The following STK32B variants were observed in gnomAD, a reference collection of about 807,000 sequenced individuals.
The protein encoded by STK32B is serine/threonine kinase 32B.
In STK32B, 43 loss-of-function variants were observed where a neutral mutation model predicts 52.6. The observed-to-expected ratio is 0.82, with a 90% confidence interval of 0.64 to 1.05. The LOEUF (loss-of-function observed/expected upper bound fraction) is 1.05, where lower values mean the gene tolerates loss of function less well. STK32B is among the 50% of genes least tolerant of loss of function. The pLI is 0.00. For synonymous variants in STK32B, 238 were observed against 204.3 expected (o/e 1.17, Z -1.41); for missense variants, 621 against 534.6 (o/e 1.16, Z -1.59).
chr4:5,443,067 C>G (rs1467837887), intron 6 of STK32B, among the ~76,000 whole-genome samples: 1 of 150,874 alleles, frequency 6.6e-6, no homozygotes, highest in East Asian at 2.0e-4. Context: ...TTTGGTGAAT[C>G]TGACAATTAT....
chr4:5,276,522 C>T (rs998815943), intron 3 of STK32B, among the ~76,000 whole-genome samples: 1 of 151,954 alleles, frequency 6.6e-6, no homozygotes, highest in Non-Finnish European at 1.5e-5. Context: ...CCTGAAGGAA[C>T]TCAAACAAAA....
intron 11 of STK32B, among the ~76,000 whole-genome samples, chr4:5,497,030 A>T (rs1560098404): frequency 6.6e-6 from 1 of 152,214 alleles, no homozygotes; most frequent in African/African-American, 2.4e-5. Flanking sequence ...TATTGTAGTG[A>T]GGCAGTCTTT....
chr4:5,331,063 T>A (rs1732209981), intron 3 of STK32B, among the ~76,000 whole-genome samples, 157 bp from the exon 4 acceptor site: 1 of 152,016 alleles, frequency 6.6e-6, no homozygotes, highest in Non-Finnish European at 1.5e-5. Flanking sequence ...ATTGAAAGCC[T>A]TTTCCCCTTC....
At chr4:5,057,714 G>A (rs1362924590) in intron 1 of STK32B, among the ~76,000 whole-genome samples, 2 of 152,148 alleles carry the variant, frequency 1.3e-5, no homozygotes. Context: ...GCATAATCTG[G>A]TGCTAAGCCT....
intron 3 of STK32B, among the ~76,000 whole-genome samples, chr4:5,253,393 T>C (rs1444741655): frequency 6.6e-6 from 1 of 152,020 alleles, no homozygotes; most frequent in East Asian, 1.9e-4. Flanking sequence ...TGTTGTTGTT[T>C]AGACAGGGTC....
chr4:5,217,885 C>G (rs1031481528), intron 3 of STK32B, among the ~76,000 whole-genome samples: 1 of 152,206 alleles, frequency 6.6e-6, no homozygotes, highest in Non-Finnish European at 1.5e-5. Flanking sequence ...TCTACCAGAA[C>G]TATAGTGTTC....
chr4:5,346,133 T>C (rs991679521), intron 4 of STK32B, among the ~76,000 whole-genome samples: 1 of 152,216 alleles, frequency 6.6e-6, no homozygotes, highest in Non-Finnish European at 1.5e-5. Flanking sequence ...TGTGTCTGTC[T>C]TAGAAAACTA....
In STK32B at chr4:5,460,351, G is replaced by A; in HGVS notation, c.909+123G>A. ...TGGCCACTTCCACCTGAGCACCAAG[G>A]GCTTATGTCTTGCTGGAATTCAGGG... On this transcript the variant is annotated intron_variant, in intron 9 of 11. Transcript: ENST00000282908. The surrounding 1 kb of genome is among the most constrained non-coding windows in gnomAD (Gnocchi z 4.8). 1 of 1,424,564 alleles carries A rather than the reference G, an allele frequency of 7.0e-7. No individual in the cohort carries two copies. Among genetic ancestry groups the A allele is most frequent in the South Asian group, 1.4e-5 (1 of 72,134 alleles). 88.2% of individuals were successfully genotyped at this position (1,424,564 alleles called of 1,614,324 possible). A position where few individuals can be genotyped will look rare whatever the true frequency, so the allele number is the denominator to read the frequency against.
chr4:5,206,286 C>T (rs1722573983), intron 3 of STK32B, among the ~76,000 whole-genome samples: 2 of 152,200 alleles, frequency 1.3e-5, no homozygotes, highest in Non-Finnish European at 2.9e-5. Context: ...TGATTCCCCT[C>T]CACAGTAGGA....
intron 11 of STK32B, among the ~76,000 whole-genome samples, chr4:5,472,826 T>G (rs1161047390): frequency 6.6e-6 from 1 of 152,194 alleles, no homozygotes; most frequent in Non-Finnish European, 1.5e-5. Context: ...CTTTATGGTT[T>G]TAGATCATGT....
In STK32B at chr4:5,295,186, T is replaced by C. The variant is rs781287181; in HGVS notation, c.261-36034T>C. Among the ~76,000 whole-genome samples the C allele has an allele frequency of 5.3e-5, 8 of 152,160 alleles. No individual in the cohort carries two copies. The South Asian group carries it at 1.2e-3, about 24-fold the overall frequency. On this transcript the variant is annotated intron_variant, in intron 3 of 11. Coordinates refer to ENST00000282908, the MANE Select transcript of STK32B (RefSeq NM_018401.3). ...CTGGATTCAGTTTGCCAGTATTTTATTGAGGATTTTTGCATCAATGTTCAT... is the reference window on the plus strand; with the variant it reads ...CTGGATTCAGTTTGCCAGTATTTTACTGAGGATTTTTGCATCAATGTTCAT...
intron 3 of STK32B, among the ~76,000 whole-genome samples, chr4:5,292,490 G>GT (rs1191633286): frequency 6.6e-6 from 1 of 151,332 alleles, no homozygotes; most frequent in Non-Finnish European, 1.5e-5. Flanking sequence ...TAATGGGGCT[G>GT]TTTTTTTTCT....
chr4:5,347,445 A>G (rs938392243), intron 4 of STK32B, among the ~76,000 whole-genome samples: 17 of 152,342 alleles, frequency 1.1e-4, no homozygotes, highest in Middle Eastern at 6.8e-3. Flanking sequence ...TGTGGTGCAG[A>G]TTGAATTAGG....
At chr4:5,191,522 G>A (rs908230823) in intron 3 of STK32B, among the ~76,000 whole-genome samples, 1 of 152,068 alleles carries the variant, frequency 6.6e-6, no homozygotes, top group African/African-American at 2.4e-5. Context: ...CCAAAGTGCT[G>A]GGATTACAGG....
At position 5,399,111 on chromosome 4, in the gene STK32B, T is replaced by G. The variant is rs12510033; in HGVS notation, c.472+867T>G. On this transcript the variant is annotated intron_variant, in intron 5 of 11. Coordinates refer to ENST00000282908, the MANE Select transcript of STK32B (RefSeq NM_018401.3). This position sits in a 1 kb window ranked among gnomAD's most constrained non-coding sequence, Gnocchi z 5.4. ...GCTCAGTGGACTTGACAATCAATTG[T>G]GGCTGATGCCAACAGGAGACTTACA... 1.0e-3 allele frequency among the ~76,000 whole-genome samples: 156 copies of G among 150,808 alleles called. No individual in the cohort carries two copies. Among genetic ancestry groups the G allele is most frequent in the African/African-American group, 3.4e-3 (139 of 41,484 alleles).
chr4:5,498,856 A>G lies in STK32B; in HGVS notation c.1107-89A>G, dbSNP rs543530667. The G allele has an allele frequency of 4.1e-6, 6 of 1,478,120 alleles. No individual in the cohort carries two copies. The East Asian group carries it at 1.5e-4, about 36-fold the overall frequency. 91.6% of individuals were successfully genotyped at this position (1,478,120 alleles called of 1,614,324 possible). ...GGGGAAGGTTTGAGCTGAAGGCTCCACAGTTGCCCTGCCTGCCCAGTGTGT... is the reference window on the plus strand; with the variant it reads ...GGGGAAGGTTTGAGCTGAAGGCTCCGCAGTTGCCCTGCCTGCCCAGTGTGT... On this transcript the variant is annotated intron_variant, in intron 11 of 11. Coordinates refer to ENST00000282908, the MANE Select transcript of STK32B (RefSeq NM_018401.3).
chr4:5,481,391 G>A (rs1167232650), intron 11 of STK32B, among the ~76,000 whole-genome samples: 1 of 152,146 alleles, frequency 6.6e-6, no homozygotes, highest in African/African-American at 2.4e-5. Context: ...CTTTTGAGAA[G>A]TGTCTGTTCA....
rs187000869 is a variant in STK32B, at chr4:5,226,850, G to A, written c.260+58400G>A. Among the ~76,000 whole-genome samples, 971 of 152,294 alleles carry A rather than the reference G, an allele frequency of 6.4e-3. 3 individuals are homozygous for A. The highest frequency in any genetic ancestry group is 9.6e-3 in the Non-Finnish European group (656 of 68,018). Reference sequence around the variant, plus strand: ...TTTGGTAATATCTGCAGTTTCAGGCGTTCAGTGGGGGTCTTGGAACATATA... The same window carrying A: ...TTTGGTAATATCTGCAGTTTCAGGCATTCAGTGGGGGTCTTGGAACATATA... On this transcript the variant is annotated intron_variant, in intron 3 of 11. Transcript: ENST00000282908.
intron 8 of STK32B, among the ~76,000 whole-genome samples, chr4:5,459,485 T>C (rs1446033661): frequency 6.6e-6 from 1 of 152,244 alleles, no homozygotes; most frequent in Non-Finnish European, 1.5e-5. Context: ...TTTTCATTCT[T>C]GGCCCCTGTG....
Sources: gnomAD v4.1 joint callset for allele counts (sites outside exome capture counted in the v4.1 genomes callset) on GRCh38, gnomAD v4.1.1 for gene constraint, Gnocchi (gnomAD v3.1) non-coding constraint, MANE v1.5 for transcripts, NCBI Gene and HGNC (gene_info 2026-07-23, HGNC 2026-07-21) for gene names.